Variants in PTPRD observed in about 807,000 individuals in gnomAD.
PTPRD encodes the protein receptor-type tyrosine-protein phosphatase delta.
In PTPRD, 34 loss-of-function variants were observed where a neutral mutation model predicts 214.5. That is an observed-to-expected ratio of 0.16 (90% CI 0.12 to 0.21). PTPRD has a LOEUF of 0.21. PTPRD is among the 10% of genes least tolerant of loss of function. PTPRD has a pLI of 1.00. For synonymous variants in PTPRD, 1,128 were observed against 845.7 expected (o/e 1.33, Z -5.79); for missense variants, 2,545 against 2,398.7 (o/e 1.06, Z -1.27).
chr9:9,955,046 A>T (rs13294029), intron 4 of PTPRD, among the ~76,000 whole-genome samples: 1 of 152,182 alleles, frequency 6.6e-6, no homozygotes, highest in Non-Finnish European at 1.5e-5. Context: ...ACTAAATGCT[A>T]AAGAGCTTGC....
chr9:10,068,781 A>G (rs2154177232), intron 3 of PTPRD, among the ~76,000 whole-genome samples: 1 of 152,128 alleles, frequency 6.6e-6, no homozygotes, highest in East Asian at 1.9e-4. Flanking sequence ...TGGAATGCCA[A>G]GAAGAATGAG....
intron 22 of PTPRD, among the ~76,000 whole-genome samples, 157 bp downstream of exon 22, chr9:8,507,144 G>T (rs751924900): frequency 6.6e-6 from 1 of 151,924 alleles, no homozygotes; most frequent in South Asian, 2.1e-4. Context: ...GTTTTTCTTG[G>T]GGGGGAGGGG....
intron 34 of PTPRD, among the ~76,000 whole-genome samples, chr9:8,441,700 G>T (rs939144119): frequency 2.0e-5 from 3 of 151,978 alleles, no homozygotes; most frequent in South Asian, 2.1e-4. Flanking sequence ...TTCTTGCATG[G>T]TTCATCCCCT....
intron 10 of PTPRD, among the ~76,000 whole-genome samples, chr9:9,134,383 G>C (rs549962498): frequency 6.6e-6 from 1 of 152,140 alleles, no homozygotes; most frequent in African/African-American, 2.4e-5. Flanking sequence ...AATCATTCTT[G>C]ACTCTCTTTT....
chr9:8,370,205 TATAC>T (rs59777101), intron 39 of PTPRD, among the ~76,000 whole-genome samples: 7,989 of 63,270 alleles, frequency 0.13, 721 homozygotes, highest in African/African-American at 0.26. Flanking sequence ...CACATATATA[TATAC>T]ACACACACAC....
At chr9:10,592,346 T>C (rs2075670467) in intron 2 of PTPRD, among the ~76,000 whole-genome samples, 1 of 152,004 alleles carries the variant, frequency 6.6e-6, no homozygotes, top group Admixed American at 6.6e-5. Flanking sequence ...ACTTACTCAT[T>C]ATTATCACCA....
At chr9:9,101,476 A>G (rs1013838295) in intron 10 of PTPRD, among the ~76,000 whole-genome samples, 4 of 152,192 alleles carry the variant, frequency 2.6e-5, no homozygotes, top group African/African-American at 9.6e-5. Context: ...GTGATTCTGA[A>G]TATATTCTTG....
chr9:8,792,657 T>A (rs577309407), intron 11 of PTPRD, among the ~76,000 whole-genome samples: 2 of 152,310 alleles, frequency 1.3e-5, no homozygotes, highest in Admixed American at 1.3e-4. Flanking sequence ...AAAAATGAAA[T>A]TATATATCTC....
At chr9:10,196,018 C>T (rs1239151535) in intron 3 of PTPRD, among the ~76,000 whole-genome samples, 1 of 152,008 alleles carries the variant, frequency 6.6e-6, no homozygotes, top group Non-Finnish European at 1.5e-5. Flanking sequence ...GGGGGATTGA[C>T]TATAGAAAGG....
intron 4 of PTPRD, among the ~76,000 whole-genome samples, chr9:9,947,287 G>C (rs1233493817): frequency 1.1e-5 from 1 of 90,396 alleles, no homozygotes; most frequent in Non-Finnish European, 2.0e-5. Context: ...CATGTGCTCT[G>C]GAGATTATAT....
At chr9:8,974,035 T>C (rs2099254323) in intron 11 of PTPRD, among the ~76,000 whole-genome samples, 2 of 152,146 alleles carry the variant, frequency 1.3e-5, no homozygotes, top group Non-Finnish European at 2.9e-5. Flanking sequence ...TAGTTTCTTT[T>C]GTTTTGCAGA....
At chr9:8,702,259 TA>T (rs111931990) in intron 12 of PTPRD, among the ~76,000 whole-genome samples, 2,476 of 144,132 alleles carry the variant, frequency 0.017, 20 homozygotes, top group African/African-American at 0.031. Flanking sequence ...GTGTGTAAAG[TA>T]AAAAAAAAAA....
Position 10,448,353 on chromosome 9 carries a change from T to A in PTPRD, c.-599-107336A>T, listed in dbSNP as rs115716169. Among the ~76,000 whole-genome samples, 950 of 152,094 alleles carry A rather than the reference T, an allele frequency of 6.2e-3. 26 individuals carry two copies. The highest frequency in any genetic ancestry group is 0.022 in the African/African-American group (893 of 41,370). On this transcript the variant is annotated intron_variant, in intron 2 of 45. Transcript: ENST00000381196. Reference sequence around the variant, plus strand: ...TGTATATATAGATAGCTGCTGCTTTTGAGTGTTTCTGAACAGACTAAAGTA... The same window carrying A: ...TGTATATATAGATAGCTGCTGCTTTAGAGTGTTTCTGAACAGACTAAAGTA...
intron 10 of PTPRD, among the ~76,000 whole-genome samples, chr9:9,063,387 T>G (rs1326426244): frequency 1.3e-5 from 2 of 152,154 alleles, no homozygotes; most frequent in Non-Finnish European, 2.9e-5. Context: ...TTCACTGAAA[T>G]GCCTACCCTC....
At chr9:9,885,984 TA>T (rs74310891) in intron 5 of PTPRD, among the ~76,000 whole-genome samples, 3,639 of 138,486 alleles carry the variant, frequency 0.026, 116 homozygotes, top group African/African-American at 0.085. Context: ...CCCCACATAT[TA>T]AAAAAAAAAA....
At chr9:8,469,635 C>T (rs2096613573) in intron 31 of PTPRD, among the ~76,000 whole-genome samples, 1 of 152,020 alleles carries the variant, frequency 6.6e-6, no homozygotes, top group Admixed American at 6.6e-5. Flanking sequence ...TTCTGAATAT[C>T]ACAGAATAAT....
rs149199910 is a variant in PTPRD at position 8,618,760 on chromosome 9, G to A, written c.352+14557C>T. On this transcript the variant is annotated intron_variant, in intron 14 of 45. Transcript: ENST00000381196. Reference sequence around the variant, plus strand: ...TGCCCAGGCTAGAATGCAGTGGTGCGATCTTGACTCACTGTAACTTCCACC... The same window carrying A: ...TGCCCAGGCTAGAATGCAGTGGTGCAATCTTGACTCACTGTAACTTCCACC... Among the ~76,000 whole-genome samples the A allele has an allele frequency of 2.2e-3, 327 of 151,872 alleles. 3 individuals are homozygous for A. The highest frequency in any genetic ancestry group is 0.015 in the East Asian group (78 of 5,126).
chr9:9,409,575 A>T (rs2074682377), intron 8 of PTPRD, among the ~76,000 whole-genome samples: 1 of 152,102 alleles, frequency 6.6e-6, no homozygotes, highest in African/African-American at 2.4e-5. Context: ...AGCACTTAAA[A>T]TTTCTACTGA....
chr9:9,413,726 T>G (rs1172602870), intron 8 of PTPRD, among the ~76,000 whole-genome samples: 10 of 152,198 alleles, frequency 6.6e-5, no homozygotes, highest in Admixed American at 6.5e-4. Context: ...CTTTAAGCTC[T>G]GATTTCCTTA....
Sources: allele counts gnomAD v4.1 joint callset (sites outside exome capture counted in the v4.1 genomes callset), GRCh38; gene constraint gnomAD v4.1.1; transcripts MANE v1.5; gene names NCBI Gene and HGNC (gene_info 2026-07-23, HGNC 2026-07-21).